Variants in MDFIC2 observed in about 807,000 individuals in gnomAD.
The protein encoded by MDFIC2 is myoD family inhibitor domain-containing protein 2.
chr3:70,274,056 C>CGTGTGTGTGTGTGT (rs111792704), intron 2 of MDFIC2, among the ~76,000 whole-genome samples: 204 of 142,936 alleles, frequency 1.4e-3, no homozygotes, highest in Non-Finnish European at 2.4e-3. Flanking sequence ...ATTAAACCTC[C>CGTGTGTGTGTGTGT]GTGTGTGTGT....
At position 70,237,979 on chromosome 3, in the gene MDFIC2, C is replaced by CT. The variant is rs71672662; in HGVS notation, c.89-31190dup. On this transcript the variant is annotated intron_variant, in intron 2 of 3. Coordinates refer to ENST00000567252, the MANE Select transcript of MDFIC2 (RefSeq NM_001364677.1). ...GGAAAAGAAACTAATTGAGTGGTAT[C>CT]TTTTTTTTTTTTTTTTTTTTTTTTT... 1.8e-3 allele frequency among the ~76,000 whole-genome samples: 88 copies of CT among 48,946 alleles called. 16 individuals carry two copies. The East Asian group carries it at 0.026, about 14-fold the overall frequency. The allele number at this position is 48,946 out of a possible 152,430, so 32.1% of individuals were successfully genotyped here. A position where few individuals can be genotyped will look rare whatever the true frequency, so the allele number is the denominator to read the frequency against.
At position 70,212,307 on chromosome 3, in the gene MDFIC2, C is replaced by T. The variant is rs118026139; in HGVS notation, c.89-5517G>A. ...TTGGACATTTTTTGTGGGTAACTAG[C>T]GAAATCCTTTCAATTATGATGCCTC... On this transcript the variant is annotated intron_variant, in intron 2 of 3. Coordinates refer to ENST00000567252, the MANE Select transcript of MDFIC2 (RefSeq NM_001364677.1). Among the ~76,000 whole-genome samples the T allele has an allele frequency of 5.9e-5, 9 of 152,202 alleles. No homozygotes were observed. In the East Asian group the frequency reaches 1.5e-3, roughly 26 times the overall value.
intron 2 of MDFIC2, among the ~76,000 whole-genome samples, chr3:70,237,503 G>A (rs1701621421): frequency 6.6e-6 from 1 of 152,114 alleles, no homozygotes; most frequent in South Asian, 2.1e-4. Flanking sequence ...TTAACTCCAT[G>A]TTCTGTCCAT....
Position 70,304,188 on chromosome 3 carries a change from C to G in MDFIC2, c.88+7698G>C, listed in dbSNP as rs190938600. Among the ~76,000 whole-genome samples the G allele has an allele frequency of 1.7e-3, 254 of 152,258 alleles. 1 individual carries two copies. Among genetic ancestry groups the G allele is most frequent in the Non-Finnish European group, 2.8e-3 (191 of 68,030 alleles). ...CTCTTGGGTGAAGATGTCCCAGTCA[C>G]TCCTGTTTTCTTTCACTTCTTGGAG... On this transcript the variant is annotated intron_variant, in intron 2 of 3. Transcript: ENST00000567252.
intron 3 of MDFIC2, among the ~76,000 whole-genome samples, chr3:70,203,393 T>A (rs1266137015): frequency 6.6e-6 from 1 of 152,122 alleles, no homozygotes; most frequent in Non-Finnish European, 1.5e-5. Flanking sequence ...TAAAGAGTGA[T>A]TGAATGCCTT....
chr3:70,208,468 C>T (rs746371194), intron 2 of MDFIC2, among the ~76,000 whole-genome samples: 1 of 152,048 alleles, frequency 6.6e-6, no homozygotes, highest in Non-Finnish European at 1.5e-5. Context: ...GACTTTTCTG[C>T]AGAGTAGAAT....
intron 2 of MDFIC2, among the ~76,000 whole-genome samples, chr3:70,232,728 G>T (rs1466103949): frequency 6.6e-6 from 1 of 152,050 alleles, no homozygotes; most frequent in African/African-American, 2.4e-5. Context: ...CAATAATAAT[G>T]TAAATACGTA....
At chr3:70,203,688 G>A (rs867269218) in intron 3 of MDFIC2, among the ~76,000 whole-genome samples, 12 of 152,028 alleles carry the variant, frequency 7.9e-5, no homozygotes, top group Admixed American at 2.6e-4. Context: ...AGTAGTCCAT[G>A]GTGTAATTAA....
intron 2 of MDFIC2, among the ~76,000 whole-genome samples, chr3:70,221,794 G>A (rs1464851554): frequency 6.6e-6 from 1 of 152,124 alleles, no homozygotes; most frequent in Non-Finnish European, 1.5e-5. Context: ...TCATTGTTAA[G>A]GTGGTCTTGC....
At chr3:70,242,206 C>A (rs1399846977) in intron 2 of MDFIC2, among the ~76,000 whole-genome samples, 1 of 152,072 alleles carries the variant, frequency 6.6e-6, no homozygotes, top group Non-Finnish European at 1.5e-5. Context: ...TCTTTCCAAC[C>A]TTTTTTATAT....
intron 3 of MDFIC2, among the ~76,000 whole-genome samples, chr3:70,200,791 G>A (rs1349386895): frequency 6.6e-6 from 1 of 152,070 alleles, no homozygotes; most frequent in Admixed American, 6.6e-5. Context: ...TAGATGCAAG[G>A]ACTAAGGTTC....
intron 3 of MDFIC2, among the ~76,000 whole-genome samples, chr3:70,199,388 A>C (rs1701212815): frequency 6.6e-6 from 1 of 152,154 alleles, no homozygotes; most frequent in African/African-American, 2.4e-5. Context: ...AAGAAAAAAA[A>C]AAGTTTTGGC....
intron 2 of MDFIC2, among the ~76,000 whole-genome samples, chr3:70,306,793 G>T (rs1157394029): frequency 3.3e-5 from 5 of 152,070 alleles, no homozygotes; most frequent in African/African-American, 1.2e-4. Context: ...ATTATAGGTA[G>T]CTAGTTTTCT....
At chr3:70,224,494 A>C (rs1002013658) in intron 2 of MDFIC2, among the ~76,000 whole-genome samples, 6 of 152,228 alleles carry the variant, frequency 3.9e-5, no homozygotes, top group African/African-American at 1.4e-4. Flanking sequence ...GCAGCACTTA[A>C]TGAGTGTGTT....
intron 2 of MDFIC2, among the ~76,000 whole-genome samples, chr3:70,235,576 C>T (rs1398344842): frequency 6.6e-6 from 1 of 152,150 alleles, no homozygotes; most frequent in Non-Finnish European, 1.5e-5. Context: ...CAGTCAGGCT[C>T]ACGGCTCTGT....
chr3:70,299,324 A>G (rs1015763208), intron 2 of MDFIC2, among the ~76,000 whole-genome samples: 3 of 145,856 alleles, frequency 2.1e-5, no homozygotes, highest in African/African-American at 7.6e-5. Flanking sequence ...TTTGTGCGTT[A>G]TTTGTATACA....
chr3:70,267,711 C>T (rs992100211), intron 2 of MDFIC2, among the ~76,000 whole-genome samples: 2 of 151,866 alleles, frequency 1.3e-5, no homozygotes, highest in African/African-American at 4.8e-5. Flanking sequence ...CCACCCCGCC[C>T]AGCCTAAAAT....
chr3:70,262,002 TTTG>T (rs1424860370), intron 2 of MDFIC2, among the ~76,000 whole-genome samples: 3 of 152,124 alleles, frequency 2.0e-5, no homozygotes, highest in Non-Finnish European at 4.4e-5. Context: ...CCCATAAGAG[TTTG>T]ATCTAACCCC....
chr3:70,222,494 G>A (rs986324590), intron 2 of MDFIC2, among the ~76,000 whole-genome samples: 3 of 152,028 alleles, frequency 2.0e-5, no homozygotes, highest in Non-Finnish European at 2.9e-5. Context: ...GTTGGTTTTC[G>A]GTAAAGCAAT....
Sources: allele counts gnomAD v4.1 joint callset (sites outside exome capture counted in the v4.1 genomes callset), GRCh38; gene constraint gnomAD v4.1.1; transcripts MANE v1.5; gene names NCBI Gene and HGNC (gene_info 2026-07-23, HGNC 2026-07-21).